The following CDH13 variants were observed in gnomAD, a reference collection of about 807,000 sequenced individuals.
CDH13 encodes the protein cadherin 13, also known as cadherin-13.
A neutral mutation model predicts 63.8 loss-of-function variants in CDH13; 24 were observed. The observed-to-expected ratio is 0.38, with a 90% CI of 0.27 to 0.53. CDH13 has a LOEUF of 0.53. CDH13 is among the 20% of genes least tolerant of loss of function. The probability of loss-of-function intolerance (pLI) is 0.85; values close to 1 mark genes in which losing one functional copy is unlikely to be tolerated. For missense variants in CDH13, 1,049 were observed against 903.1 expected, an observed-to-expected ratio of 1.16 and a Z score of -2.07; for synonymous variants, 503 against 355.3, an observed-to-expected ratio of 1.42 and a Z score of -4.67.
At chr16:82,774,700 G>C (rs968512124) in intron 1 of CDH13, among the ~76,000 whole-genome samples, 1 of 152,134 alleles carries the variant, frequency 6.6e-6, no homozygotes, top group African/African-American at 2.4e-5. Context: ...GAAATGCTGT[G>C]TGCTCACTGT....
At chr16:83,723,093 G>A (rs556317799) in intron 10 of CDH13, among the ~76,000 whole-genome samples, 2 of 152,346 alleles carry the variant, frequency 1.3e-5, no homozygotes, top group Admixed American at 1.3e-4. Flanking sequence ...AGACATGTCA[G>A]TCTGAAACTG....
At chr16:83,163,883 C>T (rs1567465212) in intron 4 of CDH13, among the ~76,000 whole-genome samples, 2 of 152,090 alleles carry the variant, frequency 1.3e-5, no homozygotes, top group Non-Finnish European at 2.9e-5. Context: ...CCCATCCTAA[C>T]CAATAAAACC....
intron 4 of CDH13, among the ~76,000 whole-genome samples, chr16:83,172,617 C>G (rs533606233): frequency 6.6e-6 from 1 of 152,072 alleles, no homozygotes; most frequent in South Asian, 2.1e-4. Context: ...AGCTAGGAGA[C>G]AGGCTTGGAA....
chr16:83,588,113 G>A (rs1906351695), intron 7 of CDH13, among the ~76,000 whole-genome samples: 2 of 152,144 alleles, frequency 1.3e-5, no homozygotes, highest in South Asian at 4.2e-4. Context: ...CCTCAAGGTG[G>A]AAAAGAGCCC....
At chr16:83,364,961 A>T (rs2091230888) in intron 6 of CDH13, among the ~76,000 whole-genome samples, 1 of 152,238 alleles carries the variant, frequency 6.6e-6, no homozygotes, top group South Asian at 2.1e-4. Context: ...TACCTAAGGC[A>T]TGCGGGGCTT....
intron 13 of CDH13, among the ~76,000 whole-genome samples, chr16:83,784,559 G>A (rs1184709375): frequency 6.6e-6 from 1 of 151,160 alleles, no homozygotes; most frequent in Non-Finnish European, 1.5e-5. Context: ...TTGAACCCGG[G>A]AGGCGGAGGT....
chr16:83,624,592 G>A (rs188219216), intron 8 of CDH13, among the ~76,000 whole-genome samples: 11 of 152,196 alleles, frequency 7.2e-5, no homozygotes, highest in Admixed American at 5.9e-4. Context: ...GACAGGAGGC[G>A]GTGCTCAGGC....
chr16:83,678,097 C>G (rs1915111394), intron 9 of CDH13, 111 bp from the exon 10 acceptor site: 2 of 1,089,650 alleles, frequency 1.8e-6, no homozygotes, highest in Non-Finnish European at 2.7e-6. Flanking sequence ...CAAAGCCCAG[C>G]TCCATCCCTG....
chr16:83,707,175 G>T (rs2150917846), intron 10 of CDH13, among the ~76,000 whole-genome samples: 1 of 152,306 alleles, frequency 6.6e-6, no homozygotes, highest in South Asian at 2.1e-4. Flanking sequence ...GAACTTGACT[G>T]TCAGTCACTC....
intron 7 of CDH13, among the ~76,000 whole-genome samples, chr16:83,537,380 G>A (rs2075212260): frequency 6.6e-6 from 1 of 152,052 alleles, no homozygotes; most frequent in Admixed American, 6.5e-5. Flanking sequence ...ACCTAAAGGT[G>A]AAATGCACTT....
intron 4 of CDH13, among the ~76,000 whole-genome samples, chr16:83,158,336 T>C (rs147932748): frequency 0.016 from 2,369 of 152,324 alleles, 27 homozygotes; most frequent in Middle Eastern, 0.048. Context: ...CTCACTGCAC[T>C]GTGCTGTGCA....
intron 6 of CDH13, among the ~76,000 whole-genome samples, chr16:83,485,410 T>C (rs1220977033): frequency 2.0e-5 from 3 of 152,204 alleles, no homozygotes; most frequent in African/African-American, 7.2e-5. Context: ...AATCCAACAC[T>C]CCACATGCTT....
chr16:83,353,220 A>G (rs1019691057), intron 6 of CDH13, among the ~76,000 whole-genome samples: 5 of 152,256 alleles, frequency 3.3e-5, no homozygotes, highest in African/African-American at 1.2e-4. Context: ...TTAAATCTAT[A>G]CAAATAAAAA....
At chr16:82,901,884 G>C (rs913357889) in intron 2 of CDH13, among the ~76,000 whole-genome samples, 1 of 152,218 alleles carries the variant, frequency 6.6e-6, no homozygotes, top group Non-Finnish European at 1.5e-5. Flanking sequence ...CATCAGTAGA[G>C]CAGATTCTCT....
intron 2 of CDH13, among the ~76,000 whole-genome samples, chr16:82,920,490 A>C (rs1049258345): frequency 1.3e-5 from 2 of 152,204 alleles, no homozygotes; most frequent in African/African-American, 4.8e-5. Flanking sequence ...GACCTGGGTC[A>C]AAGTCAAATG....
At chr16:82,655,896 C>T (rs1195900196) in intron 1 of CDH13, among the ~76,000 whole-genome samples, 1 of 152,080 alleles carries the variant, frequency 6.6e-6, no homozygotes, top group Non-Finnish European at 1.5e-5. Context: ...CCTGAAATTT[C>T]AGCTAGCCTT....
rs548629228 is a variant in CDH13 at position 83,491,487 on chromosome 16, A to G, written c.960+4832A>G. On this transcript the variant is annotated intron_variant, in intron 7 of 13. Transcript: ENST00000567109. ...TTTAGTTGATCATCTTGGCTGCTAG[A>G]CTGAAATTCATCTGCTGGAATCTGC... Among the ~76,000 whole-genome samples the G allele has an allele frequency of 4.6e-5, 7 of 152,208 alleles. No individual in the cohort carries two copies. The South Asian group carries it at 1.5e-3, about 32-fold the overall frequency.
At chr16:83,378,626 G>A (rs868378006) in intron 6 of CDH13, among the ~76,000 whole-genome samples, 1 of 152,084 alleles carries the variant, frequency 6.6e-6, no homozygotes, top group African/African-American at 2.4e-5. Flanking sequence ...GTTATTGCTG[G>A]ACTGGATCTC....
At chr16:83,652,792 C>G (rs1912511053) in intron 8 of CDH13, among the ~76,000 whole-genome samples, 1 of 152,146 alleles carries the variant, frequency 6.6e-6, no homozygotes, top group Non-Finnish European at 1.5e-5. Flanking sequence ...AGCAGCTCCA[C>G]TCCTAGGTGT....
Sources: gnomAD v4.1 joint callset for allele counts (sites outside exome capture counted in the v4.1 genomes callset) on GRCh38, gnomAD v4.1.1 for gene constraint, MANE v1.5 for transcripts, NCBI Gene and HGNC (gene_info 2026-07-23, HGNC 2026-07-21) for gene names.